Variants in RYR2 observed in about 807,000 individuals in gnomAD.
RYR2 encodes the protein ryanodine receptor 2, also known as cardiac muscle ryanodine receptor-calcium release channel.
A neutral mutation model predicts 601.1 loss-of-function variants in RYR2; 227 were observed. The observed-to-expected ratio is 0.38, with a 90% CI of 0.34 to 0.42. The LOEUF (loss-of-function observed/expected upper bound fraction) is 0.42. Among genes scored for constraint, RYR2 ranks in the 10% least tolerant of loss-of-function variants. RYR2 has a pLI of 1.00. For synonymous variants in RYR2, 2,223 were observed against 2,175.1 expected (o/e 1.02, Z -0.61); for missense variants, 4,646 against 6,156.5 (o/e 0.75, Z 8.21).
intron 38 of RYR2, among the ~76,000 whole-genome samples, chr1:237,622,763 T>C (rs1268383410): frequency 6.6e-6 from 1 of 152,196 alleles, no homozygotes; most frequent in Non-Finnish European, 1.5e-5. Context: ...ATTTAAAATA[T>C]ATGAGAGGAT....
At chr1:237,666,231 C>G (rs1684314676) in intron 56 of RYR2, among the ~76,000 whole-genome samples, 1 of 152,120 alleles carries the variant, frequency 6.6e-6, no homozygotes, top group Non-Finnish European at 1.5e-5. Context: ...ATGTAATGAT[C>G]CTCTGCATAA....
chr1:237,177,607 C>T (rs1678200730), intron 1 of RYR2, among the ~76,000 whole-genome samples: 1 of 152,126 alleles, frequency 6.6e-6, no homozygotes, highest in African/African-American at 2.4e-5. Flanking sequence ...AAAATTGATC[C>T]ACATTGATGT....
chr1:237,308,864 C>G (rs1694208976), intron 2 of RYR2, among the ~76,000 whole-genome samples: 1 of 152,202 alleles, frequency 6.6e-6, no homozygotes, highest in South Asian at 2.1e-4. Context: ...GCTGATTGGT[C>G]CATTTTACAG....
chr1:237,165,103 G>T (rs1053202822), intron 1 of RYR2, among the ~76,000 whole-genome samples: 6 of 151,724 alleles, frequency 4.0e-5, no homozygotes, highest in Non-Finnish European at 7.4e-5. Context: ...GACTATAGGC[G>T]CATGCACCAT....
chr1:237,142,468 C>T (rs1363017756), intron 1 of RYR2, among the ~76,000 whole-genome samples: 3 of 152,254 alleles, frequency 2.0e-5, no homozygotes, highest in East Asian at 1.9e-4. Context: ...GGGCTTGGGT[C>T]CCTGGGAAGG....
intron 6 of RYR2, among the ~76,000 whole-genome samples, chr1:237,371,828 A>G (rs1700665837): frequency 1.3e-5 from 2 of 152,262 alleles, no homozygotes; most frequent in Admixed American, 6.5e-5. Context: ...GTTCTCACTC[A>G]TAGGTGGGAA....
chr1:237,128,388 GGGGAGAGGGAGA>G (rs760384075), intron 1 of RYR2, among the ~76,000 whole-genome samples: 1 of 152,122 alleles, frequency 6.6e-6, no homozygotes, highest in Non-Finnish European at 1.5e-5. Context: ...GGCAGACCGT[GGGGAGAGGGAGA>G]GGGAGAGGGA....
At chr1:237,087,474 T>C (rs1432382960) in intron 1 of RYR2, among the ~76,000 whole-genome samples, 1 of 152,162 alleles carries the variant, frequency 6.6e-6, no homozygotes, top group Non-Finnish European at 1.5e-5. Context: ...TAAAGGGAGA[T>C]GCAAAATGTG....
At chr1:237,325,871 A>G (rs1025683282) in intron 2 of RYR2, among the ~76,000 whole-genome samples, 1 of 152,188 alleles carries the variant, frequency 6.6e-6, no homozygotes, top group African/African-American at 2.4e-5. Flanking sequence ...ATTTAAAAAT[A>G]TGAAATAGTG....
chr1:237,785,068 G>C, intron 90 of RYR2, 96 bp downstream of exon 90: 1 of 900,534 alleles, frequency 1.1e-6, no homozygotes. Flanking sequence ...TGCCAGAACG[G>C]TGTTACCTAT....
At chr1:237,139,827 ACT>A in intron 1 of RYR2, among the ~76,000 whole-genome samples, 1 of 152,270 alleles carries the variant, frequency 6.6e-6, no homozygotes, top group East Asian at 1.9e-4. Flanking sequence ...AATTTGACAG[ACT>A]CTATGGTACT....
chr1:237,230,478 A>G (rs1280384177), intron 1 of RYR2, among the ~76,000 whole-genome samples: 4 of 152,206 alleles, frequency 2.6e-5, no homozygotes, highest in Non-Finnish European at 5.9e-5. Context: ...AATTGTAAGG[A>G]ATTGACATTG....
intron 97 of RYR2, 31 bp downstream of exon 97, chr1:237,798,201 C>T (rs1042822959): frequency 6.3e-7 from 1 of 1,581,392 alleles, no homozygotes; most frequent in Admixed American, 1.9e-5. Context: ...ATCCTACAGA[C>T]TTAGATTGAA....
chr1:237,309,648 C>T (rs945434946), intron 2 of RYR2, among the ~76,000 whole-genome samples: 1 of 152,220 alleles, frequency 6.6e-6, no homozygotes, highest in African/African-American at 2.4e-5. Context: ...AGCCCTTGGG[C>T]GGTCGATGGG....
rs546991945 is a variant in RYR2 at position 237,604,745 on chromosome 1, C to T, written c.4683+2634C>T. On this transcript the variant is annotated intron_variant, in intron 35 of 104. Coordinates refer to ENST00000366574, the MANE Select transcript of RYR2 (RefSeq NM_001035.3). ...TAAAAAATGACAAAGGGGATATCAC[C>T]ATCAATCCCACAGAAATACAAACTA... Among the ~76,000 whole-genome samples the T allele has an allele frequency of 2.6e-5, 4 of 152,150 alleles. No homozygotes were observed. In the South Asian group the frequency reaches 8.3e-4, roughly 32 times the overall value.
chr1:237,689,386 C>G (rs1427249424), intron 63 of RYR2, among the ~76,000 whole-genome samples: 1 of 152,198 alleles, frequency 6.6e-6, no homozygotes, highest in Non-Finnish European at 1.5e-5. Context: ...TCCCCTGTGT[C>G]ATTTTTCAAA....
At chr1:237,427,954 A>G (rs866559128) in intron 12 of RYR2, among the ~76,000 whole-genome samples, 3 of 152,182 alleles carry the variant, frequency 2.0e-5, no homozygotes, top group South Asian at 4.1e-4. Flanking sequence ...ATATGAACAG[A>G]CACTTTTCAA....
chr1:237,816,771 T>C (rs768607764), intron 100 of RYR2, among the ~76,000 whole-genome samples: 2 of 152,148 alleles, frequency 1.3e-5, no homozygotes, highest in African/African-American at 4.8e-5. Context: ...TCAAACAGTA[T>C]GCCTGAGTAT....
At chr1:237,123,860 G>C (rs1476011203) in intron 1 of RYR2, among the ~76,000 whole-genome samples, 1 of 151,522 alleles carries the variant, frequency 6.6e-6, no homozygotes, top group African/African-American at 2.4e-5. Context: ...GTAGAGACGG[G>C]GTTTCACCTT....
Sources: gnomAD v4.1 joint callset for allele counts (sites outside exome capture counted in the v4.1 genomes callset) on GRCh38, gnomAD v4.1.1 for gene constraint, MANE v1.5 for transcripts, NCBI Gene and HGNC (gene_info 2026-07-23, HGNC 2026-07-21) for gene names.